The following NEB variants were observed in gnomAD, a reference collection of about 807,000 sequenced individuals.
NEB encodes nebulin, also known as nemaline myopathy type 2.
Under a neutral mutation model 952.2 loss-of-function variants are expected in NEB, and 512 were observed. The ratio of observed to expected loss-of-function variants is 0.54; its 90% CI spans 0.50 to 0.58. NEB has a LOEUF of 0.58. Among genes scored for constraint, NEB ranks in the 20% least tolerant of loss-of-function variants. The probability of loss-of-function intolerance (pLI) is 0.00; values close to 1 mark genes in which losing one functional copy is unlikely to be tolerated. For synonymous variants in NEB, 2,900 were observed against 3,149.8 expected (o/e 0.92, Z 2.66); for missense variants, 8,428 against 9,231.1 (o/e 0.91, Z 3.56).
In NEB at chr2:151,620,999, C is replaced by T. The variant is rs1262589819; in HGVS notation, c.10480G>A (p.Ala3494Thr). 1.2e-6 allele frequency: 2 copies of T among 1,611,834 alleles called. No homozygotes were observed. Among genetic ancestry groups the T allele is most frequent in the Admixed American group, 1.7e-5 (1 of 59,752 alleles). ...CTCAAGTCATAGCCTTCTTTCTTGG[C>T]TTCTTCCATGGCCTGACGATAGAGG... ...ESLYRQAMEE[A>T]KKEGYDLRSD... Residue 3494 changes from alanine to threonine, a missense_variant, in exon 72 of 182, where the codon GCC (alanine) becomes ACC (threonine). Around this residue, in one of 11 missense-constraint regions of NEB, gnomAD observed 1,772 missense variants for 1,960.3 expected, o/e 0.90. Coordinates refer to ENST00000397345, the MANE Select transcript of NEB (RefSeq NM_001164508.2).
chr2:151,537,008 A>C (rs1428311577), intron 141 of NEB, 124 bp downstream of exon 141: 1 of 537,986 alleles, frequency 1.9e-6, no homozygotes, highest in African/African-American at 1.9e-5. Flanking sequence ...GTATGTACTC[A>C]GACTATAAGG....
intron 6 of NEB, 40 bp downstream of exon 6, chr2:151,725,413 T>G (rs764830765): frequency 7.9e-6 from 12 of 1,525,096 alleles, no homozygotes; most frequent in Non-Finnish European, 8.1e-6. Context: ...TAGGTGTATT[T>G]TGAAATGTCC....
At chr2:151,557,202 C>T (rs1268523477) in intron 124 of NEB, among the ~76,000 whole-genome samples, 2 of 152,154 alleles carry the variant, frequency 1.3e-5, no homozygotes, top group Non-Finnish European at 2.9e-5. Context: ...ACCGTTCCCA[C>T]AGAAATACAA....
chr2:151,510,074 C>T (rs889484140), intron 161 of NEB, among the ~76,000 whole-genome samples: 1 of 152,176 alleles, frequency 6.6e-6, no homozygotes, highest in Admixed American at 6.5e-5. Context: ...TAATTTATAA[C>T]TAAGGTCTGA....
Position 151,514,927 on chromosome 2 carries a change from T to TTCCCACTCTGCA in NEB, c.22906_22907insTGCAGAGTGGGA (p.Met7632_Gly7635dup). ...CTCTTCATAATCTTTCCTATATTCT[T>TTCCCACTCTGCA]TCTAATGTAAGTAGGAAGGAAAGAC... On this transcript the variant is annotated inframe_insertion and splice_region_variant, in exon 158 of 182. Transcript: ENST00000397345. 6.5e-7 allele frequency: 1 copy of TTCCCACTCTGCA among 1,549,402 alleles called. No individual in the cohort carries two copies. Among genetic ancestry groups the TTCCCACTCTGCA allele is most frequent in the Non-Finnish European group, 8.8e-7 (1 of 1,140,104 alleles).
rs150316683 is a variant in NEB, at chr2:151,722,485, T to C, written c.717+897A>G. 9.5e-3 allele frequency among the ~76,000 whole-genome samples: 1,452 copies of C among 152,260 alleles called. 21 individuals are homozygous for C. The highest frequency in any genetic ancestry group is 0.033 in the African/African-American group (1,384 of 41,528). Reference sequence around the variant, plus strand: ...AGTATCTTCTGATAGCAAGAGCTCTTTGTGGGATAACTATACAAATGTGTT... The same window carrying C: ...AGTATCTTCTGATAGCAAGAGCTCTCTGTGGGATAACTATACAAATGTGTT... On this transcript the variant is annotated intron_variant, in intron 9 of 181. Coordinates refer to ENST00000397345, the MANE Select transcript of NEB (RefSeq NM_001164508.2).
intron 3 of NEB, among the ~76,000 whole-genome samples, chr2:151,730,120 A>G (rs74813400): frequency 0.012 from 1,792 of 152,308 alleles, 35 homozygotes; most frequent in African/African-American, 0.041. Flanking sequence ...AATGGATTGC[A>G]TCATGGAAAT....
At chr2:151,503,685 C>G (rs978365661) in intron 165 of NEB, among the ~76,000 whole-genome samples, 5 of 152,088 alleles carry the variant, frequency 3.3e-5, no homozygotes, top group African/African-American at 1.2e-4. Context: ...TAGTGCATGC[C>G]TAAAATGCAT....
intron 32 of NEB, 76 bp from the exon 33 acceptor site, chr2:151,678,263 A>G (rs1040720570): frequency 3.2e-6 from 3 of 946,792 alleles, no homozygotes; most frequent in Non-Finnish European, 4.7e-6. Context: ...CATGATTTGA[A>G]GTAATTGAGC....
chr2:151,549,684 G>A lies in NEB; in HGVS notation c.20001C>T (p.Asp6667=). 1 of 1,601,566 alleles carries A rather than the reference G, an allele frequency of 6.2e-7. No homozygotes were observed. Among genetic ancestry groups the A allele is most frequent in the Non-Finnish European group, 8.5e-7 (1 of 1,173,644 alleles). ...CCTTGATGTGTTTGAAGTGAGGAGT[G>A]TCACCTGGAAGTCTATATCCAGTGG... ...TLPTGYRLPG[D]TPHFKHIKDT... The change falls in exon 130 of 182, where the codon GAC becomes GAT. Residue 6667 remains aspartate, a synonymous_variant. Transcript: ENST00000397345.
intron 10 of NEB, among the ~76,000 whole-genome samples, chr2:151,714,022 T>C (rs1328733402): frequency 6.6e-6 from 1 of 152,118 alleles, no homozygotes; most frequent in East Asian, 1.9e-4. Context: ...TAAAGGCCCT[T>C]AGAGATTAAT....
chr2:151,689,634 A>T (rs1332748735), intron 24 of NEB: 5 of 152,234 alleles, frequency 3.3e-5, no homozygotes, highest in Non-Finnish European at 7.3e-5. Flanking sequence ...GCAAAAATGC[A>T]CAAGATTGAG....
chr2:151,493,513 C>A, intron 175 of NEB, 68 bp from the exon 176 acceptor site: 1 of 1,035,848 alleles, frequency 9.7e-7, no homozygotes, highest in Non-Finnish European at 1.4e-6. Context: ...CATCACTTAG[C>A]TGGTGTTATG....
chr2:151,697,189 G>C lies in NEB; in HGVS notation c.1429C>G (p.Gln477Glu). The C allele has an allele frequency of 1.2e-6, 2 of 1,613,628 alleles. No individual in the cohort carries two copies. Among genetic ancestry groups the C allele is most frequent in the Non-Finnish European group, 1.7e-6 (2 of 1,179,826 alleles). ...GKGFFPQTIT[Q>E]EYEAIKKLDQ... ...AGTTTCTTAATTGCTTCATATTCTT[G>C]AGTTATGGTCTGAGGGAAGAAGCCT... Residue 477 changes from glutamine to glutamate, a missense_variant, in exon 16 of 182, where the codon CAA becomes GAA. By Grantham distance (29) the Gln-to-Glu change is conservative (BLOSUM62 2). Coordinates refer to ENST00000397345, the MANE Select transcript of NEB (RefSeq NM_001164508.2).
intron 61 of NEB, 34 bp downstream of exon 61, chr2:151,640,321 A>G: frequency 6.3e-7 from 1 of 1,599,162 alleles, no homozygotes; most frequent in Non-Finnish European, 8.5e-7. Flanking sequence ...ATAATTTCCC[A>G]CCTCTGCACG....
intron 8 of NEB, among the ~76,000 whole-genome samples, chr2:151,723,746 CTTTGTTT>C (rs2099781721): frequency 1.8e-5 from 1 of 55,914 alleles, no homozygotes; most frequent in Non-Finnish European, 3.7e-5. Flanking sequence ...TACCTGCCTT[CTTTGTTT>C]TTTTTTTTTT....
Position 151,485,803 on chromosome 2 carries a change from C to CCAGTCCTCTGCACAGTGCATA in NEB, c.25534_25535insTATGCACTGTGCAGAGGACTG (p.Thr8511_Gly8512insValCysThrValGlnArgThr), listed in dbSNP as rs1211056097. 6.2e-7 allele frequency: 1 copy of CCAGTCCTCTGCACAGTGCATA among 1,613,500 alleles called. No individual in the cohort carries two copies. The highest frequency in any genetic ancestry group is 2.2e-5 in the East Asian group (1 of 44,876). On this transcript the variant is annotated inframe_insertion, in exon 182 of 182. Transcript: ENST00000397345. ...GTTGGCTGGGAGCATTCCGGTCCTG[C>CCAGTCCTCTGCACAGTGCATA]CAGTCCTCTGCACAGTGCCATACAT...
In NEB at chr2:151,667,921, A is replaced by G; in HGVS notation, c.4612-10T>C. On this transcript the variant is annotated splice_polypyrimidine_tract_variant and intron_variant, in intron 39 of 181. Coordinates refer to ENST00000397345, the MANE Select transcript of NEB (RefSeq NM_001164508.2). ...CTGCTTTATAATGAGCCTTCAAAAAAGTAGAGGTTATTTTATTATTTGACA... is the reference window on the plus strand; with the variant it reads ...CTGCTTTATAATGAGCCTTCAAAAAGGTAGAGGTTATTTTATTATTTGACA... 6.3e-7 allele frequency: 1 copy of G among 1,596,604 alleles called. No individual in the cohort carries two copies. The highest frequency in any genetic ancestry group is 8.6e-7 in the Non-Finnish European group (1 of 1,167,042).
intron 13 of NEB, among the ~76,000 whole-genome samples, chr2:151,704,766 G>C (rs4381780): frequency 0.98 from 148,482 of 152,240 alleles, 72,531 homozygotes; most frequent in East Asian, 1. Flanking sequence ...GTCTGGCACT[G>C]CCTAGTGAGA....
Sources: gnomAD v4.1 joint callset for allele counts (sites outside exome capture counted in the v4.1 genomes callset) on GRCh38, gnomAD v4.1.1 for gene constraint, gnomAD v4.1.1 regional missense constraint, MANE v1.5 for transcripts, NCBI Gene and HGNC (gene_info 2026-07-23, HGNC 2026-07-21) for gene names.